The following MSR1 variants were observed in gnomAD, a reference collection of about 807,000 sequenced individuals.
MSR1 encodes macrophage scavenger receptor 1.
In MSR1, 53 loss-of-function variants were observed where a neutral mutation model predicts 47.2. The ratio of observed to expected loss-of-function variants is 1.12; its 90% confidence interval spans 0.90 to 1.41. The LOEUF (loss-of-function observed/expected upper bound fraction) is 1.41. MSR1 is among the 40% of genes most tolerant of loss of function. The probability of loss-of-function intolerance (pLI) is 0.00; values close to 1 mark genes in which losing one functional copy is unlikely to be tolerated. For synonymous variants in MSR1, 239 were observed against 185.6 expected, an observed-to-expected ratio of 1.29 and a Z score of -2.34; for missense variants, 786 against 546.9, an observed-to-expected ratio of 1.44 and a Z score of -4.36.
intron 8 of MSR1, chr8:16,139,770 AAAAAATATATATATATATATATATATAT>A (rs1800494594): frequency 1.6e-5 from 1 of 62,818 alleles, no homozygotes; most frequent in African/African-American, 9.9e-5. Context: ...AAAAAAAAAA[AAAAAATATATATATATATATATATATAT>A]ATATATATAT....
intron 3 of MSR1, among the ~76,000 whole-genome samples, chr8:16,171,545 A>G (rs1200138661): frequency 6.6e-6 from 1 of 152,138 alleles, no homozygotes; most frequent in Non-Finnish European, 1.5e-5. Context: ...GTGGGGACCA[A>G]GTTTTGGGTT....
At chr8:16,183,274 G>C (rs984438818) in intron 1 of MSR1, among the ~76,000 whole-genome samples, 2 of 151,920 alleles carry the variant, frequency 1.3e-5, no homozygotes, top group East Asian at 3.9e-4. Context: ...CTATCTACCA[G>C]GTAAGACCGT....
At chr8:16,157,772 G>A (rs1273846360) in intron 5 of MSR1, among the ~76,000 whole-genome samples, 5 of 151,872 alleles carry the variant, frequency 3.3e-5, no homozygotes, top group African/African-American at 7.2e-5. Flanking sequence ...TGTAGCTCAC[G>A]TCTTCACCAT....
At chr8:16,176,090 T>A (rs1475553789) in intron 2 of MSR1, among the ~76,000 whole-genome samples, 1 of 152,240 alleles carries the variant, frequency 6.6e-6, no homozygotes, top group East Asian at 1.9e-4. Flanking sequence ...CTATGGTCAT[T>A]GCTTTCATTG....
chr8:16,186,282 T>C (rs1801997782), intron 1 of MSR1: 1 of 1,301,898 alleles, frequency 7.7e-7, no homozygotes, highest in Admixed American at 2.1e-5. Flanking sequence ...TGAGCCAGGG[T>C]CCAGTTTCTG....
intron 9 of MSR1, among the ~76,000 whole-genome samples, 171 bp downstream of exon 9, chr8:16,120,247 C>G (rs1050954024): frequency 2.0e-5 from 3 of 151,548 alleles, no homozygotes; most frequent in African/African-American, 7.3e-5. Flanking sequence ...TGTGGTGGCG[C>G]GCGGCTGTAG....
At chr8:16,151,148 C>G (rs1205214334) in intron 6 of MSR1, among the ~76,000 whole-genome samples, 1 of 152,052 alleles carries the variant, frequency 6.6e-6, no homozygotes, top group Non-Finnish European at 1.5e-5. Context: ...CTCGTTCACC[C>G]AGTCTCACTT....
intron 1 of MSR1, among the ~76,000 whole-genome samples, chr8:16,184,506 A>T (rs1269818864): frequency 1.3e-5 from 2 of 148,520 alleles, no homozygotes; most frequent in Admixed American, 1.3e-4. Context: ...AAGGAGGTTC[A>T]AAAAGAAGAG....
In MSR1 at chr8:16,120,532, G is replaced by T. The variant is rs953487478; in HGVS notation, c.1108C>A (p.Gln370Lys). The change falls in exon 9 of 10, where the codon CAG becomes AAG. Residue 370 changes from glutamine (Q) to lysine (K), a missense_variant. Transcript: ENST00000262101. ...CGATCGTCACAAATTGTACCCCACTGGCCGCTGTGGAGTATCTCCACCCTC... is the reference window on the plus strand; with the variant it reads ...CGATCGTCACAAATTGTACCCCACTTGCCGCTGTGGAGTATCTCCACCCTC... ...EGRVEILHSG[Q>K]WGTICDDRWE... The T allele has an allele frequency of 7.4e-6, 12 of 1,611,798 alleles. No homozygotes were observed. Among genetic ancestry groups the T allele is most frequent in the Middle Eastern group, 1.6e-4 (1 of 6,078 alleles).
chr8:16,182,469 T>C (rs1397957624), intron 1 of MSR1, among the ~76,000 whole-genome samples: 1 of 152,206 alleles, frequency 6.6e-6, no homozygotes, highest in African/African-American at 2.4e-5. Context: ...TTTTTACTCT[T>C]TTATAATAAC....
At chr8:16,124,183 C>T (rs1297584196) in intron 8 of MSR1, among the ~76,000 whole-genome samples, 4 of 152,058 alleles carry the variant, frequency 2.6e-5, no homozygotes, top group Non-Finnish European at 5.9e-5. Flanking sequence ...ACAAACAGGC[C>T]GAGTCACTTG....
chr8:16,143,469 G>A (rs1388202255), intron 8 of MSR1, 89 bp downstream of exon 8: 1 of 1,124,556 alleles, frequency 8.9e-7, no homozygotes, highest in East Asian at 2.4e-5. Flanking sequence ...TGCTGAAGTT[G>A]CGAACATTTG....
intron 6 of MSR1, among the ~76,000 whole-genome samples, chr8:16,154,487 G>T (rs1023809817): frequency 1.3e-5 from 2 of 151,978 alleles, no homozygotes; most frequent in Non-Finnish European, 2.9e-5. Flanking sequence ...AGCACAGAGA[G>T]TGACTGTCAG....
intron 8 of MSR1, chr8:16,139,258 T>C (rs1407908007): frequency 1.8e-5 from 18 of 984,182 alleles, no homozygotes; most frequent in Non-Finnish European, 2.2e-5. Context: ...TAAAAATGTC[T>C]GCATTATACC....
At chr8:16,191,890 A>G (rs960674045) in intron 1 of MSR1, among the ~76,000 whole-genome samples, 3 of 152,198 alleles carry the variant, frequency 2.0e-5, no homozygotes, top group African/African-American at 4.8e-5. Context: ...TATTTTTGAT[A>G]GACTTTTTTC....
intron 6 of MSR1, among the ~76,000 whole-genome samples, chr8:16,152,172 T>C (rs1007572120): frequency 6.6e-6 from 1 of 152,132 alleles, no homozygotes; most frequent in Non-Finnish European, 1.5e-5. Context: ...TATTAAATGA[T>C]ACGTACACAG....
intron 7 of MSR1, among the ~76,000 whole-genome samples, chr8:16,147,900 C>T (rs1270737757): frequency 6.6e-6 from 1 of 152,072 alleles, no homozygotes; most frequent in African/African-American, 2.4e-5. Flanking sequence ...AAAATGTGGT[C>T]CCTGGACCAA....
At chr8:16,132,875 T>C (rs1457593642) in intron 8 of MSR1, among the ~76,000 whole-genome samples, 1 of 152,160 alleles carries the variant, frequency 6.6e-6, no homozygotes, top group Non-Finnish European at 1.5e-5. Context: ...GTTTCCAGGT[T>C]TTGCCCATTT....
intron 5 of MSR1, among the ~76,000 whole-genome samples, chr8:16,162,765 AC>A (rs1801197248): frequency 6.6e-6 from 1 of 151,960 alleles, no homozygotes; most frequent in Non-Finnish European, 1.5e-5. Flanking sequence ...GTATCTGGTG[AC>A]AAGTTTCTTG....
Sources: gnomAD v4.1 joint callset for allele counts (sites outside exome capture counted in the v4.1 genomes callset) on GRCh38, gnomAD v4.1.1 for gene constraint, MANE v1.5 for transcripts, NCBI Gene and HGNC (gene_info 2026-07-23, HGNC 2026-07-21) for gene names.